The following OLFML2B variants were observed in gnomAD, a reference collection of about 807,000 sequenced individuals.
The protein encoded by OLFML2B is olfactomedin-like protein 2B.
Under a neutral mutation model 74.9 loss-of-function variants are expected in OLFML2B, and 57 were observed. That is an observed-to-expected ratio of 0.76 (90% CI 0.61 to 0.95). The LOEUF (loss-of-function observed/expected upper bound fraction) is 0.95. OLFML2B is among the 40% of genes least tolerant of loss of function. The pLI is 0.00. For synonymous variants in OLFML2B, 388 were observed against 405.8 expected, an observed-to-expected ratio of 0.96 and a Z score of 0.53; for missense variants, 986 against 970.6, an observed-to-expected ratio of 1.02 and a Z score of -0.21.
intron 6 of OLFML2B, among the ~76,000 whole-genome samples, chr1:161,986,014 C>T (rs2341465): frequency 0.51 from 78,017 of 152,042 alleles, 22,413 homozygotes; most frequent in Middle Eastern, 0.67. Context: ...TGAAGTCACA[C>T]GTGACTAAGG....
chr1:161,997,136 G>A (rs534390853), intron 6 of OLFML2B, among the ~76,000 whole-genome samples: 17 of 152,242 alleles, frequency 1.1e-4, no homozygotes, highest in African/African-American at 3.9e-4. Flanking sequence ...CAGCCTGGGC[G>A]ACAGAGCGAG....
rs569232012 is a variant in OLFML2B at position 162,005,503 on chromosome 1, T to C, written c.723+794A>G. Among the ~76,000 whole-genome samples, 3 of 152,346 alleles carry C rather than the reference T, an allele frequency of 2.0e-5. No homozygotes were observed. In the East Asian group the frequency reaches 5.8e-4, roughly 29 times the overall value. On this transcript the variant is annotated intron_variant, in intron 4 of 7. Coordinates refer to ENST00000294794, the MANE Select transcript of OLFML2B (RefSeq NM_015441.3). ...CACATGGTATAGTTATGAAAATATG[T>C]AGTAAATTACAAAGTCCCCTATAAA...
chr1:161,997,346 T>C (rs1053797815), intron 6 of OLFML2B, among the ~76,000 whole-genome samples: 1 of 152,184 alleles, frequency 6.6e-6, no homozygotes, highest in Non-Finnish European at 1.5e-5. Flanking sequence ...ATGCTCTCCA[T>C]GGGTGGGGCT....
intron 1 of OLFML2B, among the ~76,000 whole-genome samples, chr1:162,021,393 C>T (rs1343739464): frequency 6.6e-6 from 1 of 152,234 alleles, no homozygotes; most frequent in Non-Finnish European, 1.5e-5. Flanking sequence ...TCTGGAGCCC[C>T]AACTCTGGGC....
Position 162,020,016 on chromosome 1 carries a change from CACG to C in OLFML2B, c.338_340del (p.Ser113del). 6.2e-7 allele frequency: 1 copy of C among 1,614,208 alleles called. No individual in the cohort carries two copies. Among genetic ancestry groups the C allele is most frequent in the Admixed American group, 1.7e-5 (1 of 60,026 alleles). On this transcript the variant is annotated inframe_deletion, in exon 2 of 8. Transcript: ENST00000294794. ...TGGGGGTGCTACACAGGCACACTTG[CACG>C]ACGAGCCTGAGGTGATGGTTTCCAC...
intron 3 of OLFML2B, among the ~76,000 whole-genome samples, chr1:162,012,129 G>A (rs1226627663): frequency 6.6e-6 from 1 of 152,160 alleles, no homozygotes; most frequent in East Asian, 1.9e-4. Flanking sequence ...GGTAAGCAGT[G>A]CCCCTCTCCA....
intron 3 of OLFML2B, among the ~76,000 whole-genome samples, chr1:162,013,924 A>ACACACACC (rs1232451159): frequency 6.6e-6 from 1 of 150,430 alleles, no homozygotes; most frequent in African/African-American, 2.5e-5. Flanking sequence ...ACACACACAC[A>ACACACACC]CACACACACA....
In OLFML2B at chr1:161,988,725, C is replaced by T. The variant is rs180708694; in HGVS notation, c.1475-3745G>A. Among the ~76,000 whole-genome samples the T allele has an allele frequency of 1.4e-3, 217 of 152,118 alleles. 1 individual carries two copies. The highest frequency in any genetic ancestry group is 2.6e-3 in the Non-Finnish European group (180 of 68,012). On this transcript the variant is annotated intron_variant, in intron 6 of 7. Coordinates refer to ENST00000294794, the MANE Select transcript of OLFML2B (RefSeq NM_015441.3). ...CCTCTGGAGTTCCACCTTCAGCCTC[C>T]TCCCTCCTCATTCTTCCTGCAGACT...
intron 3 of OLFML2B, among the ~76,000 whole-genome samples, chr1:162,011,835 G>A (rs1008975979): frequency 2.0e-5 from 3 of 152,134 alleles, no homozygotes; most frequent in East Asian, 1.9e-4. Context: ...AGAGCCACTC[G>A]AGCCATGCAC....
rs779675906 is a variant in OLFML2B at position 161,997,837 on chromosome 1, G to C, written c.1462C>G (p.Arg488Gly). The C allele has an allele frequency of 1.2e-6, 2 of 1,612,814 alleles. No homozygotes were observed. Among genetic ancestry groups the C allele is most frequent in the Non-Finnish European group, 8.5e-7 (1 of 1,179,138 alleles). Residue 488 changes from arginine (R) to glycine (G), a missense_variant, in exon 6 of 8, where the codon CGG (arginine) becomes GGG (glycine). Transcript: ENST00000294794. ...ACAATGAACTTACCTATGACATTCC[G>C]GATGTCATCTTCTTCTTCGGGGCTC... is the stretch of plus-strand genomic sequence containing the variant. ...TLSPEEEDDIRNVIGRCKDTL... is the reference protein window; with the variant it reads ...TLSPEEEDDIGNVIGRCKDTL...
At chr1:161,990,813 T>C (rs1689719127) in intron 6 of OLFML2B, among the ~76,000 whole-genome samples, 1 of 152,190 alleles carries the variant, frequency 6.6e-6, no homozygotes, top group African/African-American at 2.4e-5. Context: ...AAAATTTGAG[T>C]CAAGCCTCTC....
At position 162,003,511 on chromosome 1, in the gene OLFML2B, C is replaced by T. The variant is rs543004096; in HGVS notation, c.723+2786G>A. ...CTTGCCAGAGAACATATAATTTCCA[C>T]GGATCCACTGGCGACAGGCTGCACT... is the stretch of plus-strand genomic sequence containing the variant. On this transcript the variant is annotated intron_variant, in intron 4 of 7. Transcript: ENST00000294794. Among the ~76,000 whole-genome samples the T allele has an allele frequency of 3.3e-5, 5 of 152,322 alleles. No homozygotes were observed. The East Asian group carries it at 5.8e-4, about 18-fold the overall frequency.
At chr1:161,992,604 A>T (rs184878187) in intron 6 of OLFML2B, among the ~76,000 whole-genome samples, 1 of 152,208 alleles carries the variant, frequency 6.6e-6, no homozygotes, top group Non-Finnish European at 1.5e-5. Flanking sequence ...TCACCTAAAC[A>T]CCTAGAGGCC....
intron 1 of OLFML2B, among the ~76,000 whole-genome samples, chr1:162,020,817 A>T (rs1322687943): frequency 6.6e-6 from 1 of 152,192 alleles, no homozygotes; most frequent in Non-Finnish European, 1.5e-5. Flanking sequence ...ACCCAATCAG[A>T]ATCCAGGTTT....
rs576420489 is a variant in OLFML2B at position 161,988,345 on chromosome 1, C to G, written c.1475-3365G>C. ...AATAAATCAGCAAGCAAGAGCCTTC[C>G]TGGCTCTCCCCAGCTCTCAGCTCTG... is the stretch of plus-strand genomic sequence containing the variant. On this transcript the variant is annotated intron_variant, in intron 6 of 7. Transcript: ENST00000294794. Among the ~76,000 whole-genome samples, 4 of 152,284 alleles carry G rather than the reference C, an allele frequency of 2.6e-5. No individual in the cohort carries two copies. In the South Asian group the frequency reaches 8.3e-4, roughly 32 times the overall value.
In OLFML2B at chr1:162,006,411, T is replaced by C; in HGVS notation, c.609A>G (p.Arg203=). 6.2e-7 allele frequency: 1 copy of C among 1,612,522 alleles called. No homozygotes were observed. The change falls in exon 4 of 8, where the codon CGA becomes CGG. Residue 203 remains arginine, a synonymous_variant. Coordinates refer to ENST00000294794, the MANE Select transcript of OLFML2B (RefSeq NM_015441.3). ...CTTTGCCTCGCTTATTCATCTCGGT[T>C]CGAATTTCTTCCATGTCCTCTTTGA... ...EQIKEDMEEI[R]TEMNKRGKEN... is the part of the protein sequence containing the mutation.
At chr1:162,011,102 C>T (rs1690366464) in intron 3 of OLFML2B, among the ~76,000 whole-genome samples, 1 of 152,248 alleles carries the variant, frequency 6.6e-6, no homozygotes, top group East Asian at 1.9e-4. Flanking sequence ...TAGAGAGACA[C>T]ACTAGACACC....
Position 161,998,261 on chromosome 1 carries a change from G to A in OLFML2B, c.1038C>T (p.Thr346=). 1 of 1,608,962 alleles carries A rather than the reference G, an allele frequency of 6.2e-7. No individual in the cohort carries two copies. Among genetic ancestry groups the A allele is most frequent in the Non-Finnish European group, 8.5e-7 (1 of 1,175,846 alleles). ...LRHNGLMTSV[T]RRPAATRQGH... Reference sequence around the variant, plus strand: ...CCTGACGGGTGGCTGCAGGCCTCCGGGTGACACTGGTCATCAGGCCGTTGT... The same window carrying A: ...CCTGACGGGTGGCTGCAGGCCTCCGAGTGACACTGGTCATCAGGCCGTTGT... The change falls in exon 6 of 8, where the codon ACC becomes ACT. Residue 346 remains threonine, a synonymous_variant. Transcript: ENST00000294794.
chr1:162,009,915 G>A (rs1435656797), intron 3 of OLFML2B, among the ~76,000 whole-genome samples: 1 of 152,220 alleles, frequency 6.6e-6, no homozygotes, highest in South Asian at 2.1e-4. Flanking sequence ...CCTCGATTCT[G>A]CCCTGGGAAA....
Sources: allele counts gnomAD v4.1 joint callset (sites outside exome capture counted in the v4.1 genomes callset), GRCh38; gene constraint gnomAD v4.1.1; transcripts MANE v1.5; gene names NCBI Gene and HGNC (gene_info 2026-07-23, HGNC 2026-07-21).